The following SGCZ variants were observed in gnomAD, a reference collection of about 807,000 sequenced individuals.
The protein encoded by SGCZ is sarcoglycan zeta, also known as zeta-sarcoglycan.
Under a neutral mutation model 41.3 loss-of-function variants are expected in SGCZ, and 40 were observed. That is an observed-to-expected ratio of 0.97 (90% CI 0.75 to 1.26). The LOEUF (loss-of-function observed/expected upper bound fraction) is 1.26. Among genes scored for constraint, SGCZ ranks in the 50% most tolerant of loss-of-function variants. The pLI is 0.00. For synonymous variants in SGCZ, 206 were observed against 137.5 expected, an observed-to-expected ratio of 1.50 and a Z score of -3.49; for missense variants, 552 against 369.8, an observed-to-expected ratio of 1.49 and a Z score of -4.04.
intron 1 of SGCZ, among the ~76,000 whole-genome samples, chr8:14,730,648 C>T (rs994898672): frequency 6.6e-6 from 1 of 150,840 alleles, no homozygotes; most frequent in Non-Finnish European, 1.5e-5. Context: ...GAACTGAAAA[C>T]TGTCACTATG....
At chr8:14,955,423 A>G (rs1376553824) in intron 1 of SGCZ, among the ~76,000 whole-genome samples, 1 of 152,136 alleles carries the variant, frequency 6.6e-6, no homozygotes, top group Non-Finnish European at 1.5e-5. Flanking sequence ...CCTCTTTCCT[A>G]GTGCCTATTT....
chr8:14,849,933 C>A (rs970770337), intron 1 of SGCZ, among the ~76,000 whole-genome samples: 1 of 152,104 alleles, frequency 6.6e-6, no homozygotes, highest in African/African-American at 2.4e-5. Context: ...ATCTTCAAAT[C>A]ACCTTAATAC....
At chr8:15,081,887 A>C (rs1805760398) in intron 1 of SGCZ, among the ~76,000 whole-genome samples, 1 of 152,238 alleles carries the variant, frequency 6.6e-6, no homozygotes, top group Non-Finnish European at 1.5e-5. Flanking sequence ...AAGAAAACCA[A>C]AGTTGAACGA....
chr8:14,191,027 A>C (rs1428747936), intron 4 of SGCZ, among the ~76,000 whole-genome samples: 1 of 152,060 alleles, frequency 6.6e-6, no homozygotes, highest in Non-Finnish European at 1.5e-5. Flanking sequence ...CGTCTTTTTG[A>C]TATTAGCCAT....
At chr8:15,210,648 G>A (rs1025381542) in intron 1 of SGCZ, among the ~76,000 whole-genome samples, 1 of 152,102 alleles carries the variant, frequency 6.6e-6, no homozygotes, top group African/African-American at 2.4e-5. Context: ...AAATACCTAT[G>A]CAAAGTATGA....
At chr8:14,174,578 C>T (rs772566384) in intron 4 of SGCZ, among the ~76,000 whole-genome samples, 2 of 152,026 alleles carry the variant, frequency 1.3e-5, no homozygotes, top group Admixed American at 6.6e-5. Flanking sequence ...CCCACCTAAG[C>T]GCATCTTAGT....
intron 4 of SGCZ, among the ~76,000 whole-genome samples, chr8:14,210,279 G>C (rs1444365288): frequency 2.0e-5 from 3 of 152,030 alleles, no homozygotes; most frequent in East Asian, 3.9e-4. Context: ...GGCTGGTCTC[G>C]AACTCCTGAC....
chr8:14,532,368 A>T (rs527794170), intron 2 of SGCZ, among the ~76,000 whole-genome samples: 4 of 152,186 alleles, frequency 2.6e-5, no homozygotes, highest in African/African-American at 9.6e-5. Context: ...TAGCAGGTAG[A>T]AAGTGGATAA....
chr8:14,432,327 A>G (rs922224706), intron 2 of SGCZ, among the ~76,000 whole-genome samples: 3 of 152,224 alleles, frequency 2.0e-5, no homozygotes, highest in Non-Finnish European at 4.4e-5. Flanking sequence ...GTACATACAT[A>G]TGATGGAATA....
intron 2 of SGCZ, among the ~76,000 whole-genome samples, chr8:14,492,672 C>A (rs1420987842): frequency 1.3e-5 from 2 of 152,148 alleles, no homozygotes; most frequent in African/African-American, 4.8e-5. Context: ...CCACTGCTAC[C>A]ACTTTCACCA....
intron 1 of SGCZ, among the ~76,000 whole-genome samples, chr8:14,601,449 T>C (rs1460253560): frequency 6.8e-6 from 1 of 148,100 alleles, no homozygotes; most frequent in East Asian, 1.9e-4. Flanking sequence ...TTGAAGTTGG[T>C]TCCTTTTTTT....
chr8:14,712,995 G>A (rs112224579), intron 1 of SGCZ, among the ~76,000 whole-genome samples: 200 of 152,148 alleles, frequency 1.3e-3, no homozygotes, highest in African/African-American at 4.6e-3. Context: ...GGTGACAAAT[G>A]TAGTCATTTC....
intron 2 of SGCZ, among the ~76,000 whole-genome samples, chr8:14,347,463 A>T (rs1802928226): frequency 6.6e-6 from 1 of 152,096 alleles, no homozygotes; most frequent in Non-Finnish European, 1.5e-5. Context: ...TTCTTCAGGA[A>T]ATTGTGTGAC....
Position 14,553,851 on chromosome 8 carries a change from G to A in SGCZ, c.234+881C>T, listed in dbSNP as rs759971627. On this transcript the variant is annotated intron_variant, in intron 2 of 7. Coordinates refer to ENST00000382080, the MANE Select transcript of SGCZ (RefSeq NM_139167.4). ...AACAGCCAGCTTTAGACTCACTCCTGAGGATGCAGAGTTCTAAAGAATAAT... is the reference window on the plus strand; with the variant it reads ...AACAGCCAGCTTTAGACTCACTCCTAAGGATGCAGAGTTCTAAAGAATAAT... Among the ~76,000 whole-genome samples, 45 of 152,198 alleles carry A rather than the reference G, an allele frequency of 3.0e-4. 1 individual carries two copies. The highest frequency in any genetic ancestry group is 1.2e-3 in the Admixed American group (19 of 15,256).
chr8:14,579,078 T>A (rs571719667), intron 1 of SGCZ, among the ~76,000 whole-genome samples: 5 of 152,144 alleles, frequency 3.3e-5, no homozygotes, highest in Non-Finnish European at 5.9e-5. Context: ...TCAAAGTAAA[T>A]GTTTAAATAA....
At chr8:15,160,393 T>C (rs189547708) in intron 1 of SGCZ, among the ~76,000 whole-genome samples, 102 of 152,326 alleles carry the variant, frequency 6.7e-4, no homozygotes, top group African/African-American at 2.3e-3. Flanking sequence ...TATCTTTTGA[T>C]AGACTCTTGG....
chr8:14,757,222 T>C (rs1017964862), intron 1 of SGCZ, among the ~76,000 whole-genome samples: 1 of 152,154 alleles, frequency 6.6e-6, no homozygotes, highest in African/African-American at 2.4e-5. Flanking sequence ...CTAATGTTTG[T>C]ATTCTTAGTA....
chr8:14,486,976 A>T (rs757981249), intron 2 of SGCZ, among the ~76,000 whole-genome samples: 4 of 152,170 alleles, frequency 2.6e-5, no homozygotes, highest in Non-Finnish European at 4.4e-5. Flanking sequence ...CATGCAGTTC[A>T]GGACTATGTT....
chr8:14,349,977 C>T (rs780636113), intron 2 of SGCZ, among the ~76,000 whole-genome samples: 1 of 152,014 alleles, frequency 6.6e-6, no homozygotes, highest in Non-Finnish European at 1.5e-5. Context: ...TCCAAATTTA[C>T]TGGCAAATTA....
Sources: allele counts gnomAD v4.1 joint callset (sites outside exome capture counted in the v4.1 genomes callset), GRCh38; gene constraint gnomAD v4.1.1; transcripts MANE v1.5; gene names NCBI Gene and HGNC (gene_info 2026-07-23, HGNC 2026-07-21).